PMFBP1: variants seen among roughly 807,000 people sequenced by gnomAD.
The protein encoded by PMFBP1 is polyamine modulated factor 1 binding protein 1.
PMFBP1 carries 131 observed loss-of-function variants against 137.8 expected under a neutral mutation model. That is an observed-to-expected ratio of 0.95 (90% CI 0.82 to 1.10). The LOEUF (loss-of-function observed/expected upper bound fraction) is 1.10, where lower values mean the gene tolerates loss of function less well. PMFBP1 is among the 50% of genes least tolerant of loss of function. The pLI, the probability that PMFBP1 is intolerant of heterozygous loss-of-function variation, is 0.00. For synonymous variants in PMFBP1, 490 were observed against 450.4 expected (o/e 1.09, Z -1.11); for missense variants, 1,199 against 1,175.4 (o/e 1.02, Z -0.29).
chr16:72,191,340 T>C, the PMFBP1 span, among the ~76,000 whole-genome samples: 1 of 152,264 alleles, frequency 6.6e-6, no homozygotes, highest in East Asian at 1.9e-4. Flanking sequence ...TGTTCTAGCA[T>C]TATCTTTCTT....
chr16:72,224,378 G>C, the PMFBP1 span, among the ~76,000 whole-genome samples: 1 of 152,090 alleles, frequency 6.6e-6, no homozygotes, highest in Non-Finnish European at 1.5e-5. Flanking sequence ...ATGAAACCAC[G>C]TGACTTCTGT....
chr16:72,162,253 G>C (rs1468542835), intron 3 of PMFBP1, among the ~76,000 whole-genome samples: 1 of 152,214 alleles, frequency 6.6e-6, no homozygotes, highest in Non-Finnish European at 1.5e-5. Flanking sequence ...GGCACCTGAA[G>C]AGCTTGTGCC....
intron 18 of PMFBP1, 88 bp from the exon 19 acceptor site, chr16:72,123,076 T>C: frequency 8.5e-7 from 1 of 1,177,522 alleles, no homozygotes; most frequent in Non-Finnish European, 1.2e-6. Flanking sequence ...TGCTGGGTTC[T>C]CAGCAAGACT....
At chr16:72,122,286 A>G (rs751362558) in intron 19 of PMFBP1, among the ~76,000 whole-genome samples, 4 of 152,142 alleles carry the variant, frequency 2.6e-5, no homozygotes, top group Non-Finnish European at 5.9e-5. Context: ...GTTGTTTTCT[A>G]AGTGTTCCCT....
downstream of PMFBP1, among the ~76,000 whole-genome samples, chr16:72,116,664 A>G (rs975174428): frequency 2.7e-5 from 4 of 150,116 alleles, no homozygotes; most frequent in African/African-American, 1.0e-4. Flanking sequence ...TAATTTTTGT[A>G]TAAGGTATTA....
At chr16:72,124,742 C>A in intron 17 of PMFBP1, 25 bp downstream of exon 17, 1 of 1,605,768 alleles carries the variant, frequency 6.2e-7, no homozygotes, top group Non-Finnish European at 8.5e-7. Context: ...TGAGAGGAGG[C>A]ACGCAGAAGC....
chr16:72,185,027 CT>C, the PMFBP1 span, among the ~76,000 whole-genome samples: 389 of 143,760 alleles, frequency 2.7e-3, no homozygotes, highest in Middle Eastern at 3.7e-3. Flanking sequence ...GTCCTGTTTT[CT>C]TTTTTTTTTT....
At chr16:72,164,353 C>T (rs980227332) in intron 3 of PMFBP1, 2 of 1,235,656 alleles carry the variant, frequency 1.6e-6, no homozygotes, top group Admixed American at 2.3e-5. Flanking sequence ...CCCCTGCTAC[C>T]CCAATGGACA....
Position 72,156,340 on chromosome 16 carries a change from C to T in PMFBP1, c.166-1881G>A, listed in dbSNP as rs529282373. Among the ~76,000 whole-genome samples, 17 of 143,592 alleles carry T rather than the reference C, an allele frequency of 1.2e-4. 1 individual carries two copies. The South Asian group carries it at 2.3e-3, about 20-fold the overall frequency. 94.2% of individuals were successfully genotyped at this position (143,592 alleles called of 152,430 possible). A position where few individuals can be genotyped will look rare whatever the true frequency, so the allele number is the denominator to read the frequency against. On this transcript the variant is annotated intron_variant, in intron 3 of 20. Coordinates refer to ENST00000237353, the MANE Select transcript of PMFBP1 (RefSeq NM_031293.3). ...TGCGGCAAGAATCAGTATTGGAGGCCGGGCACGGTGGCTCACGCCTGTAAT... is the reference window on the plus strand; with the variant it reads ...TGCGGCAAGAATCAGTATTGGAGGCTGGGCACGGTGGCTCACGCCTGTAAT...
At chr16:72,245,944 C>T in the PMFBP1 span, among the ~76,000 whole-genome samples, 5 of 152,164 alleles carry the variant, frequency 3.3e-5, no homozygotes, top group African/African-American at 1.2e-4. Context: ...ATCAAAACTG[C>T]TTCTCGGGAC....
chr16:72,137,131 A>G (rs532358689), intron 7 of PMFBP1, among the ~76,000 whole-genome samples: 2 of 152,276 alleles, frequency 1.3e-5, no homozygotes, highest in South Asian at 4.1e-4. Context: ...GAATAAAACA[A>G]AAGGATATTG....
At chr16:72,139,811 C>T (rs77337009) in intron 6 of PMFBP1, among the ~76,000 whole-genome samples, 2,915 of 152,036 alleles carry the variant, frequency 0.019, 38 homozygotes, top group Non-Finnish European at 0.025. Flanking sequence ...AAATAAAAAA[C>T]ATGAAATTTT....
chr16:72,184,106 C>G, the PMFBP1 span, among the ~76,000 whole-genome samples: 1 of 152,208 alleles, frequency 6.6e-6, no homozygotes, highest in Non-Finnish European at 1.5e-5. Context: ...CTTCTGACGG[C>G]TCCTTCGCTT....
At chr16:72,151,708 T>C (rs894215032) in intron 4 of PMFBP1, among the ~76,000 whole-genome samples, 13 of 152,236 alleles carry the variant, frequency 8.5e-5, no homozygotes, top group Non-Finnish European at 1.6e-4. Context: ...GTAAGGTGTC[T>C]ACTACGTAAG....
chr16:72,192,621 C>T, the PMFBP1 span, among the ~76,000 whole-genome samples: 1 of 152,068 alleles, frequency 6.6e-6, no homozygotes, highest in South Asian at 2.1e-4. Flanking sequence ...GGTGTGGTGG[C>T]TTGCACCTGT....
At chr16:72,204,267 G>A in the PMFBP1 span, among the ~76,000 whole-genome samples, 8 of 151,074 alleles carry the variant, frequency 5.3e-5, no homozygotes, top group South Asian at 2.1e-4. Flanking sequence ...GGCTCACTGC[G>A]GCCTCAACAT....
chr16:72,149,036 C>A (rs535879055), intron 5 of PMFBP1, among the ~76,000 whole-genome samples: 1 of 152,180 alleles, frequency 6.6e-6, no homozygotes, highest in African/African-American at 2.4e-5. Context: ...CATCGCAGCT[C>A]GACTTCTTCC....
At chr16:72,173,724 T>G (rs2043241150), upstream of PMFBP1, among the ~76,000 whole-genome samples, 1 of 152,204 alleles carries the variant, frequency 6.6e-6, no homozygotes, top group Admixed American at 6.5e-5. Flanking sequence ...GAAGAGTGTT[T>G]TGGGGGAGCC....
chr16:72,147,130 A>G (rs2042820570), intron 5 of PMFBP1, among the ~76,000 whole-genome samples: 1 of 152,224 alleles, frequency 6.6e-6, no homozygotes, highest in South Asian at 2.1e-4. Context: ...ACTATATTAC[A>G]AGGCTACAGT....
Sources: allele counts gnomAD v4.1 joint callset (sites outside exome capture counted in the v4.1 genomes callset), GRCh38; gene constraint gnomAD v4.1.1; transcripts MANE v1.5; gene names NCBI Gene and HGNC (gene_info 2026-07-23, HGNC 2026-07-21).